SSBP1: variants seen among roughly 807,000 people sequenced by gnomAD.
The protein encoded by SSBP1 is single stranded DNA binding protein 1.
A neutral mutation model predicts 27.0 loss-of-function variants in SSBP1; 20 were observed. The ratio of observed to expected loss-of-function variants is 0.74; its 90% CI spans 0.52 to 1.08. SSBP1 has a LOEUF of 1.08. Ranked by LOEUF, SSBP1 falls within the 50% of genes least tolerant of loss-of-function variation. The pLI is 0.00. For missense variants in SSBP1, 137 were observed against 182.4 expected (o/e 0.75, Z 1.44); for synonymous variants, 59 against 59.3 (o/e 1.00, Z 0.02).
At chr7:141,738,858 A>G (rs1799390810) in intron 1 of SSBP1, 1 of 314,616 alleles carries the variant, frequency 3.2e-6, no homozygotes, top group Non-Finnish European at 5.8e-6. Flanking sequence ...AAGACAGTGG[A>G]TTGGAAGTGG....
intron 1 of SSBP1, 88 bp from the exon 2 acceptor site, chr7:141,739,036 A>G: frequency 1.5e-6 from 1 of 681,644 alleles, no homozygotes; most frequent in South Asian, 2.4e-5. Context: ...CATAAAAATT[A>G]TGAATATAGT....
At chr7:141,744,035 A>G (rs1333167300) in intron 5 of SSBP1, 46 bp downstream of exon 5, 2 of 1,547,914 alleles carry the variant, frequency 1.3e-6, no homozygotes, top group South Asian at 1.2e-5. Context: ...GATTTAAAGA[A>G]CCGATAAGAA....
At chr7:141,747,040 C>T (rs1314336858) in intron 6 of SSBP1, among the ~76,000 whole-genome samples, 1 of 151,988 alleles carries the variant, frequency 6.6e-6, no homozygotes, top group African/African-American at 2.4e-5. Context: ...CTGTTTGTAA[C>T]AAAAATGCAT....
rs779739037 is a variant in SSBP1, at chr7:141,743,577, C to T, written c.102C>T (p.His34=). 5 of 1,614,126 alleles carry T rather than the reference C, an allele frequency of 3.1e-6. No individual in the cohort carries two copies. The South Asian group carries it at 5.5e-5, about 18-fold the overall frequency. ...GTGTTTCAGCCCTGAATCGTGTGCA[C>T]TTACTTGGGCGAGTGGGTCAGGACC... ...LVLERSLNRV[H]LLGRVGQDPV... The change falls in exon 4 of 7, where the codon CAC becomes CAT. Residue 34 remains histidine (H), a synonymous_variant. Transcript: ENST00000265304.
rs1464560746 is a variant in SSBP1 at position 141,739,197 on chromosome 7, A to G, written c.24+7A>G. 6.3e-7 allele frequency: 1 copy of G among 1,599,390 alleles called. No individual in the cohort carries two copies. Among genetic ancestry groups the G allele is most frequent in the Non-Finnish European group, 8.5e-7 (1 of 1,172,608 alleles). The stretch of plus-strand genomic sequence containing the variant: ...TCGAAGACCTGTATTACAGGTAGTC[A>G]CTTGTCTGTATTAATACTGAGATGT... On this transcript the variant is annotated splice_region_variant and intron_variant, in intron 2 of 6. Transcript: ENST00000265304.
chr7:141,749,399 A>C (rs1799891453), intron 6 of SSBP1, among the ~76,000 whole-genome samples: 1 of 152,256 alleles, frequency 6.6e-6, no homozygotes, highest in Non-Finnish European at 1.5e-5. Context: ...CCTCTGGAAC[A>C]GCATTTTAAG....
chr7:141,746,012 T>G (rs1040296676), intron 6 of SSBP1: 2 of 979,918 alleles, frequency 2.0e-6, no homozygotes, highest in Non-Finnish European at 2.4e-6. Flanking sequence ...TATTTGAAAT[T>G]AAGATTTTTT....
At chr7:141,739,038 G>C in intron 1 of SSBP1, 86 bp from the exon 2 acceptor site, 1 of 696,230 alleles carries the variant, frequency 1.4e-6, no homozygotes, top group Non-Finnish European at 2.3e-6. Flanking sequence ...TAAAAATTAT[G>C]AATATAGTTA....
chr7:141,744,246 T>C (rs576707061), intron 5 of SSBP1, among the ~76,000 whole-genome samples: 1 of 152,324 alleles, frequency 6.6e-6, no homozygotes, highest in Non-Finnish European at 1.5e-5. Context: ...TGTACATAAA[T>C]AGAAATAGAT....
intron 2 of SSBP1, 80 bp downstream of exon 2, chr7:141,739,270 A>G: frequency 8.0e-7 from 1 of 1,246,752 alleles, no homozygotes. Flanking sequence ...GCTTTTAACT[A>G]CAGGGGCAAA....
In SSBP1 at chr7:141,742,233, A is replaced by T. The variant is rs769434853; in HGVS notation, c.85+4A>T. 2 of 1,597,616 alleles carry T rather than the reference A, an allele frequency of 1.3e-6. No individual in the cohort carries two copies. Among genetic ancestry groups the T allele is most frequent in the Non-Finnish European group, 1.7e-6 (2 of 1,166,382 alleles). Reference sequence around the variant, plus strand: ...ACCAGTTTGGTTCTTGAAAGATGTAAGTAGCTAATTTCCAAGTTTAAAATG... The same window carrying T: ...ACCAGTTTGGTTCTTGAAAGATGTATGTAGCTAATTTCCAAGTTTAAAATG... On this transcript the variant is annotated splice_donor_region_variant and intron_variant, in intron 3 of 6. Coordinates refer to ENST00000265304, the MANE Select transcript of SSBP1 (RefSeq NM_003143.3).
rs143543216 is a variant in SSBP1 at position 141,739,292 on chromosome 7, C to T, written c.24+102C>T. The stretch of plus-strand genomic sequence containing the variant: ...ACTACAGGGGCAAAAGACCTTTGAG[C>T]TCACCCACCCACCTCTATACTCATT... On this transcript the variant is annotated intron_variant, in intron 2 of 6. Transcript: ENST00000265304. 2,684 of 882,226 alleles carry T rather than the reference C, an allele frequency of 3.0e-3. 60 individuals carry two copies. The East Asian group carries it at 0.04, about 13-fold the overall frequency. 54.6% of individuals were successfully genotyped at this position (882,226 alleles called of 1,614,324 possible). A position where few individuals can be genotyped will look rare whatever the true frequency, so the allele number is the denominator to read the frequency against.
intron 3 of SSBP1, 109 bp from the exon 4 acceptor site, chr7:141,743,452 A>C: frequency 7.6e-5 from 99 of 1,306,866 alleles, no homozygotes; most frequent in Non-Finnish European, 9.9e-5. Flanking sequence ...CCACTTCCAA[A>C]TACCATTACA....
chr7:141,744,024 T>C, intron 5 of SSBP1, 35 bp downstream of exon 5: 1 of 1,578,548 alleles, frequency 6.3e-7, no homozygotes, highest in Non-Finnish European at 8.6e-7. Context: ...ATGAATTGAA[T>C]GATTTAAAGA....
intron 6 of SSBP1, among the ~76,000 whole-genome samples, chr7:141,749,296 G>A (rs1408868789): frequency 6.6e-6 from 1 of 152,114 alleles, no homozygotes; most frequent in Non-Finnish European, 1.5e-5. Flanking sequence ...TGTGGATTTT[G>A]GTATCTATAG....
chr7:141,743,159 G>A (rs914432829), intron 3 of SSBP1, among the ~76,000 whole-genome samples: 1 of 152,178 alleles, frequency 6.6e-6, no homozygotes, highest in African/African-American at 2.4e-5. Context: ...AGCCAGGTGT[G>A]GATTTCTTTA....
At chr7:141,743,396 C>T (rs986205416) in intron 3 of SSBP1, among the ~76,000 whole-genome samples, 165 bp from the exon 4 acceptor site, 4 of 152,196 alleles carry the variant, frequency 2.6e-5, no homozygotes, top group Non-Finnish European at 4.4e-5. Context: ...TATAGGGACA[C>T]CTCACCCTCA....
Position 141,739,131 on chromosome 7 carries a change from C to A in SSBP1, c.-36C>A. 2 of 1,565,982 alleles carry A rather than the reference C, an allele frequency of 1.3e-6. No homozygotes were observed. Among genetic ancestry groups the A allele is most frequent in the Non-Finnish European group, 1.7e-6 (2 of 1,161,584 alleles). On this transcript the variant is annotated 5_prime_UTR_variant, in exon 2 of 7. Transcript: ENST00000265304. The stretch of plus-strand genomic sequence containing the variant: ...TTTGTTTTTTTCCTTCAGGAAAAGC[C>A]TAAAGATTAGACTGTAAGAAAAGAA...
intron 6 of SSBP1, chr7:141,746,533 A>T (rs1213989257): frequency 2.0e-5 from 3 of 151,960 alleles, no homozygotes; most frequent in African/African-American, 7.2e-5. Flanking sequence ...TTTTGTAGAG[A>T]TGAGGTTTCA....
Sources: gnomAD v4.1 joint callset for allele counts (sites outside exome capture counted in the v4.1 genomes callset) on GRCh38, gnomAD v4.1.1 for gene constraint, MANE v1.5 for transcripts, NCBI Gene and HGNC (gene_info 2026-07-23, HGNC 2026-07-21) for gene names.